The following RGP1 variants were observed in gnomAD, a reference collection of about 807,000 sequenced individuals.
RGP1 encodes RGP1 partner of RAB6A GEF complex.
RGP1 carries 28 observed loss-of-function variants against 44.5 expected under a neutral mutation model. The observed-to-expected ratio is 0.63, with a 90% confidence interval of 0.47 to 0.86. RGP1 has a LOEUF of 0.86. RGP1 is among the 40% of genes least tolerant of loss of function. RGP1 has a pLI of 0.00. For missense variants in RGP1, 417 were observed against 490.7 expected (o/e 0.85, Z 1.42); for synonymous variants, 212 against 196.7 (o/e 1.08, Z -0.65).
chr9:35,785,597 A>G, the RGP1 span, among the ~76,000 whole-genome samples: 3 of 152,168 alleles, frequency 2.0e-5, no homozygotes, highest in Admixed American at 6.6e-5. Flanking sequence ...ACCTGAACAC[A>G]TCGTGGAGGC....
chr9:35,764,522 T>A, the RGP1 span, among the ~76,000 whole-genome samples: 4 of 152,334 alleles, frequency 2.6e-5, no homozygotes, highest in Admixed American at 2.6e-4. Context: ...TGAAATATAA[T>A]TTATATACAG....
chr9:35,750,817 C>A, intron 4 of RGP1, 23 bp from the exon 5 acceptor site: 1 of 1,613,878 alleles, frequency 6.2e-7, no homozygotes, highest in Non-Finnish European at 8.5e-7. Flanking sequence ...CTCTGGCTGT[C>A]CTGACAACTA....
Position 35,753,727 on chromosome 9 carries a change from A to G in RGP1, c.*853A>G, listed in dbSNP as rs1193046266. 6.2e-7 allele frequency: 1 copy of G among 1,614,146 alleles called. No homozygotes were observed. Among genetic ancestry groups the G allele is most frequent in the East Asian group, 2.2e-5 (1 of 44,872 alleles). On this transcript the variant is annotated 3_prime_UTR_variant, in exon 9 of 9. Coordinates refer to ENST00000378078, the MANE Select transcript of RGP1 (RefSeq NM_001080496.3). The surrounding 1 kb of genome is among the most constrained non-coding windows in gnomAD (Gnocchi z 4.2). Reference sequence around the variant, plus strand: ...TGGAAACAGTCCTTGCGGAGCCAAGACTCACCCAGGGTAAAATATTTCCCC... The same window carrying G: ...TGGAAACAGTCCTTGCGGAGCCAAGGCTCACCCAGGGTAAAATATTTCCCC...
chr9:35,766,800 T>G, the RGP1 span, among the ~76,000 whole-genome samples: 1 of 152,224 alleles, frequency 6.6e-6, no homozygotes, highest in Non-Finnish European at 1.5e-5. Flanking sequence ...ATTATCTTCA[T>G]CTAATATTGA....
Position 35,753,625 on chromosome 9 carries a change from A to C in RGP1, c.*751A>C. 1 of 1,519,626 alleles carries C rather than the reference A, an allele frequency of 6.6e-7. No individual in the cohort carries two copies. The highest frequency in any genetic ancestry group is 9.1e-7 in the Non-Finnish European group (1 of 1,096,754). The allele number at this position is 1,519,626 out of a possible 1,614,324, so 94.1% of individuals were successfully genotyped here. On this transcript the variant is annotated 3_prime_UTR_variant, in exon 9 of 9. Coordinates refer to ENST00000378078, the MANE Select transcript of RGP1 (RefSeq NM_001080496.3). The surrounding 1 kb of genome is among the most constrained non-coding windows in gnomAD (Gnocchi z 4.2). ...TGGTCATCCCTCAGTCACTCATATCAGAGTCATTCTCTCTGGCCATCTTTG... is the reference window on the plus strand; with the variant it reads ...TGGTCATCCCTCAGTCACTCATATCCGAGTCATTCTCTCTGGCCATCTTTG...
chr9:35,780,000 T>A, the RGP1 span, among the ~76,000 whole-genome samples: 1 of 152,188 alleles, frequency 6.6e-6, no homozygotes, highest in Admixed American at 6.5e-5. Flanking sequence ...AGCCTTCCAA[T>A]GCCTTGGGCT....
the RGP1 span, among the ~76,000 whole-genome samples, chr9:35,767,486 A>G: frequency 1.3e-5 from 2 of 152,286 alleles, no homozygotes; most frequent in African/African-American, 4.8e-5. Context: ...TCCATTTACT[A>G]TTAACATTTA....
Position 35,749,384 on chromosome 9 carries a change from C to T in RGP1, c.-44C>T. 1 of 547,594 alleles carries T rather than the reference C, an allele frequency of 1.8e-6. No individual in the cohort carries two copies. Among genetic ancestry groups the T allele is most frequent in the Non-Finnish European group, 3.7e-6 (1 of 268,684 alleles). 33.9% of individuals were successfully genotyped at this position (547,594 alleles called of 1,614,324 possible). On this transcript the variant is annotated 5_prime_UTR_variant, in exon 1 of 9. Coordinates refer to ENST00000378078, the MANE Select transcript of RGP1 (RefSeq NM_001080496.3). This position sits in a 1 kb window ranked among gnomAD's most constrained non-coding sequence, Gnocchi z 4.4. Reference sequence around the variant, plus strand: ...GCGGGCAGATGAGGCCTAGGGGTGCCGATCCCTAGTGTCGACTATGCGAGG... The same window carrying T: ...GCGGGCAGATGAGGCCTAGGGGTGCTGATCCCTAGTGTCGACTATGCGAGG...
Position 35,751,165 on chromosome 9 carries a change from C to T in RGP1, c.488-101C>T, listed in dbSNP as rs577622136. 2.3e-4 allele frequency: 340 copies of T among 1,497,436 alleles called. 1 individual carries two copies. The Middle Eastern group carries it at 4.7e-3, about 21-fold the overall frequency. The allele number at this position is 1,497,436 out of a possible 1,614,324, so 92.8% of individuals were successfully genotyped here. On this transcript the variant is annotated intron_variant, in intron 5 of 8. Coordinates refer to ENST00000378078, the MANE Select transcript of RGP1 (RefSeq NM_001080496.3). ...AGAGATGTAAACCTCAGCCCTGGCA[C>T]CCCTTACCTTTAGCCATCTCATGTT...
the RGP1 span, among the ~76,000 whole-genome samples, chr9:35,768,478 A>C: frequency 6.6e-6 from 1 of 152,180 alleles, no homozygotes; most frequent in African/African-American, 2.4e-5. Context: ...CACAGAGACT[A>C]TGAAGGGTTT....
At chr9:35,779,534 T>C in the RGP1 span, among the ~76,000 whole-genome samples, 2 of 152,250 alleles carry the variant, frequency 1.3e-5, no homozygotes, top group Non-Finnish European at 2.9e-5. Context: ...AGCAAGGGTA[T>C]GTGAGTTTCT....
chr9:35,760,182 G>A (rs1341970740), downstream of RGP1, among the ~76,000 whole-genome samples: 3 of 151,908 alleles, frequency 2.0e-5, no homozygotes, highest in Non-Finnish European at 4.4e-5. Context: ...GTTTTTCAGG[G>A]GATCTCGCAT....
At chr9:35,779,951 T>C in the RGP1 span, among the ~76,000 whole-genome samples, 1 of 151,882 alleles carries the variant, frequency 6.6e-6, no homozygotes, top group Admixed American at 6.6e-5. Context: ...TTGCCCAGGC[T>C]GGTCTCAAAC....
At chr9:35,766,037 G>A in the RGP1 span, among the ~76,000 whole-genome samples, 9 of 150,046 alleles carry the variant, frequency 6.0e-5, no homozygotes, top group African/African-American at 2.0e-4. Flanking sequence ...GTTTCACCAT[G>A]TTAGCCAGGA....
the RGP1 span, among the ~76,000 whole-genome samples, chr9:35,775,508 G>A: frequency 6.6e-6 from 1 of 152,166 alleles, no homozygotes; most frequent in Non-Finnish European, 1.5e-5. Flanking sequence ...CTCTCGTTCA[G>A]TTTTCTGCCA....
chr9:35,779,148 A>T, the RGP1 span, among the ~76,000 whole-genome samples: 1 of 152,164 alleles, frequency 6.6e-6, no homozygotes, highest in African/African-American at 2.4e-5. Context: ...AGTTGCTAAT[A>T]ATTGGATCAG....
the RGP1 span, chr9:35,772,381 G>A: frequency 6.6e-6 from 1 of 152,204 alleles, no homozygotes; most frequent in African/African-American, 2.4e-5. Flanking sequence ...ACCATGGTAA[G>A]AGTTTTAAGT....
the RGP1 span, among the ~76,000 whole-genome samples, chr9:35,768,064 T>C: frequency 6.6e-6 from 1 of 152,010 alleles, no homozygotes; most frequent in South Asian, 2.1e-4. Context: ...GCCTCCCAAA[T>C]TGCTGGGGTT....
the RGP1 span, among the ~76,000 whole-genome samples, chr9:35,764,913 G>T: frequency 6.6e-6 from 1 of 151,908 alleles, no homozygotes; most frequent in East Asian, 1.9e-4. Flanking sequence ...ATCATGGGAG[G>T]TCAGGAGTTT....
Sources: gnomAD v4.1 joint callset for allele counts (sites outside exome capture counted in the v4.1 genomes callset) on GRCh38, gnomAD v4.1.1 for gene constraint, Gnocchi (gnomAD v3.1) non-coding constraint, MANE v1.5 for transcripts, NCBI Gene and HGNC (gene_info 2026-07-23, HGNC 2026-07-21) for gene names.